Variants in HIGD1C observed in about 807,000 individuals in gnomAD.
HIGD1C encodes the protein HIG1 hypoxia inducible domain family member 1C.
A neutral mutation model predicts 13.1 loss-of-function variants in HIGD1C; 11 were observed. The observed-to-expected ratio is 0.84, with a 90% confidence interval of 0.53 to 1.39. The LOEUF (loss-of-function observed/expected upper bound fraction) is 1.39, where lower values mean the gene tolerates loss of function less well. HIGD1C is among the 40% of genes most tolerant of loss of function. HIGD1C has a pLI of 0.00. For synonymous variants in HIGD1C, 36 were observed against 37.7 expected, an observed-to-expected ratio of 0.95 and a Z score of 0.17; for missense variants, 110 against 112.0, an observed-to-expected ratio of 0.98 and a Z score of 0.08.
chr12:50,935,421 A>G, the HIGD1C span: 1 of 152,222 alleles, frequency 6.6e-6, no homozygotes, highest in Non-Finnish European at 1.5e-5. Flanking sequence ...CCATCTTGGG[A>G]ACCTGCAGAG....
At chr12:50,943,675 A>G in the HIGD1C span, among the ~76,000 whole-genome samples, 1 of 151,070 alleles carries the variant, frequency 6.6e-6, no homozygotes, top group Non-Finnish European at 1.5e-5. Flanking sequence ...GCGCCACTGC[A>G]CTCCAGCCTG....
the HIGD1C span, among the ~76,000 whole-genome samples, chr12:50,948,673 T>C: frequency 6.7e-6 from 1 of 149,746 alleles, no homozygotes; most frequent in East Asian, 2.0e-4. Context: ...ATTGAGACCA[T>C]CCTGACCAAC....
upstream of HIGD1C, among the ~76,000 whole-genome samples, chr12:50,949,910 C>G (rs1207345659): frequency 6.6e-6 from 1 of 152,168 alleles, no homozygotes; most frequent in African/African-American, 2.4e-5. Context: ...TCCCCCAAAA[C>G]CCCACTTCCA....
chr12:50,941,619 G>A, the HIGD1C span, among the ~76,000 whole-genome samples: 182 of 152,186 alleles, frequency 1.2e-3, 1 homozygote, highest in African/African-American at 4.0e-3. Context: ...ACAAATAAAC[G>A]TACCATTTCA....
chr12:50,950,660 T>C (rs829015), upstream of HIGD1C, among the ~76,000 whole-genome samples: 80,210 of 145,146 alleles, frequency 0.55, 23,416 homozygotes, highest in East Asian at 0.91. Context: ...CGCACCATCA[T>C]GCCCAGCTAA....
At chr12:50,936,262 A>G in the HIGD1C span, among the ~76,000 whole-genome samples, 1 of 151,674 alleles carries the variant, frequency 6.6e-6, no homozygotes, top group African/African-American at 2.4e-5. Context: ...TTTCTTAAGT[A>G]TCTTCTTTAT....
At chr12:50,952,556 C>T (rs1246954252), upstream of HIGD1C, among the ~76,000 whole-genome samples, 1 of 152,172 alleles carries the variant, frequency 6.6e-6, no homozygotes, top group Non-Finnish European at 1.5e-5. Flanking sequence ...CACCGACCCA[C>T]CTCAAGAGCC....
intron 2 of HIGD1C, among the ~76,000 whole-genome samples, chr12:50,969,186 AG>A (rs1229621672): frequency 6.6e-6 from 1 of 151,898 alleles, no homozygotes; most frequent in Non-Finnish European, 1.5e-5. Context: ...CCCAGCTACT[AG>A]GGGGGCTGAG....
downstream of HIGD1C, among the ~76,000 whole-genome samples, chr12:50,972,575 G>A (rs1052654387): frequency 5.9e-5 from 9 of 152,234 alleles, no homozygotes; most frequent in African/African-American, 2.2e-4. Flanking sequence ...CGACACAGAA[G>A]ATGGGTGATT....
At chr12:50,949,995 A>G (rs1412395993), upstream of HIGD1C, among the ~76,000 whole-genome samples, 1 of 152,208 alleles carries the variant, frequency 6.6e-6, no homozygotes, top group African/African-American at 2.4e-5. Context: ...ACCCAGACAC[A>G]GTCTGCCTCA....
At chr12:50,966,184 C>T (rs1939535279) in intron 2 of HIGD1C, among the ~76,000 whole-genome samples, 1 of 152,080 alleles carries the variant, frequency 6.6e-6, no homozygotes, top group Non-Finnish European at 1.5e-5. Context: ...TCCCATCATC[C>T]CCATTGAATT....
chr12:50,968,063 G>A (rs1007705363), intron 2 of HIGD1C, among the ~76,000 whole-genome samples: 1 of 152,096 alleles, frequency 6.6e-6, no homozygotes, highest in African/African-American at 2.4e-5. Context: ...TCCAGCCTTG[G>A]CCACAGAGCG....
chr12:50,971,304 G>C (rs776927419), downstream of HIGD1C, among the ~76,000 whole-genome samples: 6 of 152,172 alleles, frequency 3.9e-5, no homozygotes, highest in Non-Finnish European at 8.8e-5. Context: ...CATCAGAGGA[G>C]AATGGTCATG....
At chr12:50,943,926 A>C in the HIGD1C span, among the ~76,000 whole-genome samples, 3 of 152,150 alleles carry the variant, frequency 2.0e-5, no homozygotes, top group South Asian at 6.2e-4. Context: ...AAATAATACC[A>C]GGCATCTCTG....
intron 1 of HIGD1C, among the ~76,000 whole-genome samples, chr12:50,957,765 A>C (rs1232776420): frequency 6.6e-6 from 1 of 151,818 alleles, no homozygotes; most frequent in Non-Finnish European, 1.5e-5. Context: ...TGCACCTGTA[A>C]TCCCAGCTAC....
chr12:50,937,769 TC>T, the HIGD1C span, among the ~76,000 whole-genome samples: 1 of 152,090 alleles, frequency 6.6e-6, no homozygotes, highest in Non-Finnish European at 1.5e-5. Flanking sequence ...GGACATCCCA[TC>T]AAGCATGCAG....
intron 1 of HIGD1C, among the ~76,000 whole-genome samples, chr12:50,954,936 G>A (rs1373414833): frequency 6.6e-6 from 1 of 151,980 alleles, no homozygotes; most frequent in Non-Finnish European, 1.5e-5. Context: ...CTCTGTGCTG[G>A]CTTCTTGGTG....
At chr12:50,943,571 G>A in the HIGD1C span, among the ~76,000 whole-genome samples, 9 of 152,176 alleles carry the variant, frequency 5.9e-5, no homozygotes, top group Admixed American at 3.9e-4. Flanking sequence ...TTAGCCAGGT[G>A]AGGTGGCGGG....
chr12:50,963,063 A>G (rs1220603005), intron 2 of HIGD1C, among the ~76,000 whole-genome samples: 3 of 152,030 alleles, frequency 2.0e-5, no homozygotes, highest in Non-Finnish European at 4.4e-5. Flanking sequence ...GAGCCGGGAA[A>G]GGAATTAGAA....
Sources: gnomAD v4.1 joint callset for allele counts (sites outside exome capture counted in the v4.1 genomes callset) on GRCh38, gnomAD v4.1.1 for gene constraint, MANE v1.5 for transcripts, NCBI Gene and HGNC (gene_info 2026-07-23, HGNC 2026-07-21) for gene names.